Variants in STK32B observed in about 807,000 individuals in gnomAD.
The protein encoded by STK32B is serine/threonine-protein kinase 32B.
STK32B carries 43 observed loss-of-function variants against 52.6 expected under a neutral mutation model. That is an observed-to-expected ratio of 0.82 (90% CI 0.64 to 1.05). The LOEUF (loss-of-function observed/expected upper bound fraction) is 1.05. Ranked by LOEUF, STK32B falls within the 50% of genes least tolerant of loss-of-function variation. The pLI is 0.00. For missense variants in STK32B, 621 were observed against 534.6 expected, an observed-to-expected ratio of 1.16 and a Z score of -1.59; for synonymous variants, 238 against 204.3, an observed-to-expected ratio of 1.17 and a Z score of -1.41.
At chr4:5,056,036 A>C (rs1741993025) in intron 1 of STK32B, among the ~76,000 whole-genome samples, 1 of 152,116 alleles carries the variant, frequency 6.6e-6, no homozygotes, top group African/African-American at 2.4e-5. Context: ...GGCCATCAGC[A>C]GGAGGTGAGT....
the STK32B span, among the ~76,000 whole-genome samples, chr4:5,030,865 A>ATGTG: frequency 2.0e-5 from 3 of 152,120 alleles, no homozygotes; most frequent in East Asian, 5.8e-4. Flanking sequence ...AAGAAAAAGA[A>ATGTG]TGTGTGTATG....
chr4:5,223,464 A>G (rs1025634814), intron 3 of STK32B, among the ~76,000 whole-genome samples: 6 of 152,224 alleles, frequency 3.9e-5, no homozygotes, highest in Non-Finnish European at 5.9e-5. Flanking sequence ...CAGCAAAGCT[A>G]TGGGGGTGGG....
At chr4:5,154,900 T>C (rs1167680411) in intron 2 of STK32B, among the ~76,000 whole-genome samples, 1 of 152,200 alleles carries the variant, frequency 6.6e-6, no homozygotes, top group African/African-American at 2.4e-5. Context: ...GCGCAAATCA[T>C]GAATTAGCTT....
intron 3 of STK32B, among the ~76,000 whole-genome samples, chr4:5,239,427 C>T (rs1049780057): frequency 6.6e-6 from 1 of 152,070 alleles, no homozygotes; most frequent in African/African-American, 2.4e-5. Flanking sequence ...CAGACCCCTG[C>T]TTGTGGCCTG....
chr4:5,354,305 G>A (rs1734036550), intron 4 of STK32B, among the ~76,000 whole-genome samples: 1 of 152,174 alleles, frequency 6.6e-6, no homozygotes, highest in Non-Finnish European at 1.5e-5. Context: ...TCACTCTGTG[G>A]CCCAGGCTGG....
At chr4:5,287,794 A>G (rs1230900346) in intron 3 of STK32B, among the ~76,000 whole-genome samples, 1 of 152,196 alleles carries the variant, frequency 6.6e-6, no homozygotes, top group Admixed American at 6.5e-5. Flanking sequence ...CATAAAATTC[A>G]TCATTTTAAA....
intron 3 of STK32B, among the ~76,000 whole-genome samples, chr4:5,296,869 T>C (rs537616040): frequency 2.1e-4 from 32 of 152,318 alleles, no homozygotes; most frequent in African/African-American, 7.5e-4. Flanking sequence ...CATTGGTCTT[T>C]ATATTTTGGT....
Position 5,397,467 on chromosome 4 carries a change from C to G in STK32B, c.435-740C>G, listed in dbSNP as rs566640342. On this transcript the variant is annotated intron_variant, in intron 4 of 11. Transcript: ENST00000282908. ...TCACTTGGAATTGAGAGGCCTTTTG[C>G]TATAATGGTGATGTAGAGAAGACCT... Among the ~76,000 whole-genome samples the G allele has an allele frequency of 1.9e-4, 29 of 152,314 alleles. No individual in the cohort carries two copies. The South Asian group carries it at 6.0e-3, about 32-fold the overall frequency.
At chr4:5,139,182 G>A (rs540025981) in intron 1 of STK32B, among the ~76,000 whole-genome samples, 2 of 152,178 alleles carry the variant, frequency 1.3e-5, no homozygotes, top group African/African-American at 4.8e-5. Flanking sequence ...TGAAAGACCG[G>A]ATGTGGGGTA....
At chr4:5,495,963 G>T (rs1256414857) in intron 11 of STK32B, among the ~76,000 whole-genome samples, 1 of 152,112 alleles carries the variant, frequency 6.6e-6, no homozygotes, top group African/African-American at 2.4e-5. Context: ...GTACCCGGCC[G>T]TGTGATGTGT....
rs1719429518 is a variant in STK32B, at chr4:5,488,683, A to G, written c.1107-10262A>G. Among the ~76,000 whole-genome samples, 5 of 152,218 alleles carry G rather than the reference A, an allele frequency of 3.3e-5. 1 individual carries two copies. The South Asian group carries it at 1.0e-3, about 32-fold the overall frequency. On this transcript the variant is annotated intron_variant, in intron 11 of 11. Transcript: ENST00000282908. Reference sequence around the variant, plus strand: ...TCAGTCATTTTATTTGAGGACAAAAATTTACCACACAAGATTCTTTCTCAT... The same window carrying G: ...TCAGTCATTTTATTTGAGGACAAAAGTTTACCACACAAGATTCTTTCTCAT...
intron 1 of STK32B, among the ~76,000 whole-genome samples, chr4:5,108,664 A>G (rs1714238351): frequency 6.6e-6 from 1 of 152,210 alleles, no homozygotes; most frequent in Non-Finnish European, 1.5e-5. Context: ...TATTTTCTAC[A>G]ATTTTTTTTG....
rs567862977 is a variant in STK32B at position 5,470,705 on chromosome 4, A to C, written c.1106+2635A>C. On this transcript the variant is annotated intron_variant, in intron 11 of 11. Coordinates refer to ENST00000282908, the MANE Select transcript of STK32B (RefSeq NM_018401.3). This position sits in a 1 kb window ranked among gnomAD's most constrained non-coding sequence, Gnocchi z 4.6. ...CTTGCTGCAGTTTCTCAGCAGTAAA[A>C]AAAATGCCTATGAGAAGTTGATTCA... Among the ~76,000 whole-genome samples the C allele has an allele frequency of 1.3e-5, 2 of 152,312 alleles. No homozygotes were observed. The highest frequency in any genetic ancestry group is 3.9e-4 in the East Asian group (2 of 5,184).
chr4:5,328,518 A>G (rs1379612336), intron 3 of STK32B, among the ~76,000 whole-genome samples: 2 of 152,206 alleles, frequency 1.3e-5, no homozygotes, highest in East Asian at 1.9e-4. Context: ...ATGGGAAACT[A>G]CTGGTCAGTG....
chr4:5,288,957 G>A (rs1020871751), intron 3 of STK32B, among the ~76,000 whole-genome samples: 10 of 152,214 alleles, frequency 6.6e-5, no homozygotes, highest in African/African-American at 1.4e-4. Flanking sequence ...ACCTTCATTC[G>A]TTGCAAATGA....
intron 6 of STK32B, among the ~76,000 whole-genome samples, chr4:5,437,106 C>T (rs1317005333): frequency 2.0e-5 from 3 of 152,234 alleles, no homozygotes; most frequent in Non-Finnish European, 2.9e-5. Context: ...TTACTCCTGG[C>T]GGTTGCCCAG....
At chr4:5,347,073 G>T (rs1326717743) in intron 4 of STK32B, among the ~76,000 whole-genome samples, 1 of 152,214 alleles carries the variant, frequency 6.6e-6, no homozygotes, top group Non-Finnish European at 1.5e-5. Flanking sequence ...CCCTATACAT[G>T]TGGGGATTAT....
chr4:5,159,783 TTATGAATATATA>T lies in STK32B; in HGVS notation c.109-8499_109-8488del, dbSNP rs201298344. The stretch of plus-strand genomic sequence containing the variant: ...AATATATATATGAATATATGAATGT[TTATGAATATATA>T]TATGAATATATATATGTTATTGGAG... On this transcript the variant is annotated intron_variant, in intron 2 of 11. Transcript: ENST00000282908. 8.4e-3 allele frequency among the ~76,000 whole-genome samples: 1,093 copies of T among 130,648 alleles called. 28 individuals are homozygous for T. The highest frequency in any genetic ancestry group is 0.03 in the African/African-American group (1,011 of 33,448). 85.7% of individuals were successfully genotyped at this position (130,648 alleles called of 152,430 possible). A position where few individuals can be genotyped will look rare whatever the true frequency, so the allele number is the denominator to read the frequency against.
intron 5 of STK32B, among the ~76,000 whole-genome samples, chr4:5,404,725 T>C (rs1361105999): frequency 6.6e-6 from 1 of 151,944 alleles, no homozygotes; most frequent in Non-Finnish European, 1.5e-5. Context: ...GGGAGCATAA[T>C]GACCTCATCA....
Sources: allele counts gnomAD v4.1 joint callset (sites outside exome capture counted in the v4.1 genomes callset), GRCh38; gene constraint gnomAD v4.1.1; non-coding constraint Gnocchi (gnomAD v3.1); transcripts MANE v1.5; gene names NCBI Gene and HGNC (gene_info 2026-07-23, HGNC 2026-07-21).